NLGN1: variants seen among roughly 807,000 people sequenced by gnomAD.
NLGN1 encodes the protein neuroligin-1.
A neutral mutation model predicts 65.5 loss-of-function variants in NLGN1; 12 were observed. The ratio of observed to expected loss-of-function variants is 0.18; its 90% CI spans 0.12 to 0.30. The LOEUF is 0.30. Ranked by LOEUF, NLGN1 falls within the 10% of genes least tolerant of loss-of-function variation. The pLI is 1.00. For synonymous variants in NLGN1, 350 were observed against 359.5 expected, an observed-to-expected ratio of 0.97 and a Z score of 0.30; for missense variants, 750 against 1,007.1, an observed-to-expected ratio of 0.74 and a Z score of 3.46.
At chr3:173,829,064 G>A (rs1318502739) in intron 4 of NLGN1, among the ~76,000 whole-genome samples, 1 of 152,084 alleles carries the variant, frequency 6.6e-6, no homozygotes, top group Non-Finnish European at 1.5e-5. Flanking sequence ...CAAGCAGGGA[G>A]ACCAGATGGA....
chr3:174,059,926 A>C (rs541178368), intron 4 of NLGN1, among the ~76,000 whole-genome samples: 3 of 152,258 alleles, frequency 2.0e-5, no homozygotes, highest in South Asian at 2.1e-4. Flanking sequence ...CAAGGCTCTC[A>C]TGGGTTTGGA....
intron 3 of NLGN1, among the ~76,000 whole-genome samples, chr3:173,706,887 A>G (rs1768130252): frequency 6.6e-6 from 1 of 152,218 alleles, no homozygotes; most frequent in African/African-American, 2.4e-5. Context: ...ATGCTGTTTC[A>G]TCAACCTAGA....
Position 173,999,905 on chromosome 3 carries a change from G to A in NLGN1, c.646+192073G>A, listed in dbSNP as rs541629638. On this transcript the variant is annotated intron_variant, in intron 4 of 6. Coordinates refer to ENST00000457714, the Ensembl canonical transcript of NLGN1. The stretch of plus-strand genomic sequence containing the variant: ...TTTCAAAAGAAGAGTAAAAATTTGC[G>A]TTAAACAATGTAGTAACTGCCTGAA... 1.5e-3 allele frequency among the ~76,000 whole-genome samples: 224 copies of A among 151,534 alleles called. 3 individuals are homozygous for A. In the South Asian group the frequency reaches 0.022, roughly 15 times the overall value.
chr3:173,796,657 A>G (rs960205663), intron 3 of NLGN1, among the ~76,000 whole-genome samples: 6 of 152,144 alleles, frequency 3.9e-5, no homozygotes, highest in Admixed American at 1.3e-4. Flanking sequence ...GTTTCAAGGT[A>G]GAATTAATCA....
chr3:174,107,359 A>G (rs1286182003), intron 4 of NLGN1, among the ~76,000 whole-genome samples: 1 of 152,164 alleles, frequency 6.6e-6, no homozygotes, highest in African/African-American at 2.4e-5. Flanking sequence ...CAAGAAAGTT[A>G]TATAAATGGA....
upstream of NLGN1, chr3:173,397,891 G>T (rs1189136171): frequency 6.6e-6 from 1 of 152,212 alleles, no homozygotes; most frequent in African/African-American, 2.4e-5. Context: ...CGTCCGAGCC[G>T]GAGAGACCGG....
intron 4 of NLGN1, among the ~76,000 whole-genome samples, chr3:173,924,586 G>A (rs1370595674): frequency 6.7e-6 from 1 of 149,968 alleles, no homozygotes; most frequent in Non-Finnish European, 1.5e-5. Context: ...TCACCCCACT[G>A]CAATTCAGCC....
intron 2 of NLGN1, among the ~76,000 whole-genome samples, chr3:173,501,698 C>G (rs1407614211): frequency 6.6e-6 from 1 of 150,468 alleles, no homozygotes; most frequent in Non-Finnish European, 1.5e-5. Flanking sequence ...ATAGAATTCT[C>G]TACGTATAGA....
chr3:174,036,264 AAC>A (rs1285875805), intron 4 of NLGN1, among the ~76,000 whole-genome samples: 1 of 152,148 alleles, frequency 6.6e-6, no homozygotes, highest in Non-Finnish European at 1.5e-5. Context: ...AGTTTTATTT[AAC>A]ACACTCTTAT....
intron 2 of NLGN1, among the ~76,000 whole-genome samples, chr3:173,473,410 C>T (rs1375888179): frequency 1.3e-5 from 2 of 152,156 alleles, no homozygotes; most frequent in African/African-American, 4.8e-5. Context: ...TAATCCCCCA[C>T]TGTGGGAAAT....
intron 4 of NLGN1, among the ~76,000 whole-genome samples, chr3:174,201,448 T>G (rs1007226882): frequency 6.6e-6 from 1 of 152,268 alleles, no homozygotes. Flanking sequence ...TGGCCTCTCC[T>G]AATGTCCTAT....
intron 4 of NLGN1, among the ~76,000 whole-genome samples, chr3:173,977,883 C>T (rs553451332): frequency 4.6e-5 from 7 of 151,822 alleles, no homozygotes; most frequent in South Asian, 4.2e-4. Context: ...GAGATCACTT[C>T]GGGAGAAAAC....
chr3:173,858,549 T>A (rs538611257), intron 4 of NLGN1, among the ~76,000 whole-genome samples: 1 of 152,264 alleles, frequency 6.6e-6, no homozygotes, highest in African/African-American at 2.4e-5. Flanking sequence ...AATTCTCTTG[T>A]TCCTCACAGT....
At chr3:173,986,025 C>T (rs540996593) in intron 4 of NLGN1, among the ~76,000 whole-genome samples, 1 of 152,246 alleles carries the variant, frequency 6.6e-6, no homozygotes, top group Admixed American at 6.5e-5. Context: ...TCCCTCAAGA[C>T]TCACATGTTG....
chr3:173,971,995 G>A (rs1387774045), intron 4 of NLGN1, among the ~76,000 whole-genome samples: 3 of 152,038 alleles, frequency 2.0e-5, no homozygotes, highest in Non-Finnish European at 4.4e-5. Context: ...GCAACTCACA[G>A]CATGGGAGGT....
chr3:173,811,395 C>T (rs1377784690), intron 4 of NLGN1, among the ~76,000 whole-genome samples: 1 of 151,718 alleles, frequency 6.6e-6, no homozygotes, highest in African/African-American at 2.4e-5. Context: ...GAAACCCTGT[C>T]TCTAGTAAAA....
At chr3:173,462,470 A>G (rs1723567333) in intron 2 of NLGN1, among the ~76,000 whole-genome samples, 1 of 152,114 alleles carries the variant, frequency 6.6e-6, no homozygotes, top group African/African-American at 2.4e-5. Flanking sequence ...AATGTCCCTT[A>G]AAGTTTAATT....
Position 174,062,126 on chromosome 3 carries a change from C to T in NLGN1, c.647-213189C>T, listed in dbSNP as rs1316635800. Among the ~76,000 whole-genome samples, 3 of 151,884 alleles carry T rather than the reference C, an allele frequency of 2.0e-5. No homozygotes were observed. The South Asian group carries it at 6.2e-4, about 32-fold the overall frequency. On this transcript the variant is annotated intron_variant, in intron 4 of 6. Coordinates refer to ENST00000457714, the Ensembl canonical transcript of NLGN1. ...TAAGATATGGCTTATAAAATTAAGA[C>T]TATTATTAGGAATTTCAACTTAATT... is the stretch of plus-strand genomic sequence containing the variant.
chr3:173,459,548 A>G (rs1185194825), intron 2 of NLGN1, among the ~76,000 whole-genome samples: 1 of 152,146 alleles, frequency 6.6e-6, no homozygotes, highest in Admixed American at 6.6e-5. Context: ...GTTGGCTTCC[A>G]GGTAAATGAG....
Sources: gnomAD v4.1 joint callset for allele counts (sites outside exome capture counted in the v4.1 genomes callset) on GRCh38, gnomAD v4.1.1 for gene constraint, MANE v1.5 for transcripts, NCBI Gene and HGNC (gene_info 2026-07-23, HGNC 2026-07-21) for gene names.